Variants in PARD6G observed in about 807,000 individuals in gnomAD.
PARD6G encodes the protein par-6 family cell polarity regulator gamma.
A neutral mutation model predicts 10.7 loss-of-function variants in PARD6G; 7 were observed. The observed-to-expected ratio is 0.66, with a 90% CI of 0.37 to 1.23. PARD6G has a LOEUF of 1.23. PARD6G is among the 50% of genes most tolerant of loss of function. The pLI, the probability that PARD6G is intolerant of heterozygous loss-of-function variation, is 0.02. For synonymous variants in PARD6G, 287 were observed against 269.4 expected (o/e 1.07, Z -0.64); for missense variants, 548 against 571.8 (o/e 0.96, Z 0.42).
Position 80,184,216 on chromosome 18 carries a change from C to T in PARD6G, c.295+18494G>A, listed in dbSNP as rs1234195559. 3.3e-5 allele frequency: 5 copies of T among 152,208 alleles called. No homozygotes were observed. The highest frequency in any genetic ancestry group is 1.2e-4 in the African/African-American group (5 of 41,434). The allele number at this position is 152,208 out of a possible 1,614,324, so 9.4% of individuals were successfully genotyped here. A position where few individuals can be genotyped will look rare whatever the true frequency, so the allele number is the denominator to read the frequency against. ...AGGTCAGGAACAAGACGAGGGTGTC[C>T]GCTCTTATTCCTTTCAGCCTCGGCA... On this transcript the variant is annotated intron_variant, in intron 2 of 2. Transcript: ENST00000353265. The surrounding 1 kb of genome is among the most constrained non-coding windows in gnomAD (Gnocchi z 4.5).
At chr18:80,208,152 G>GTATCAAATCACTGCA (rs1206528442) in intron 1 of PARD6G, among the ~76,000 whole-genome samples, 1 of 151,768 alleles carries the variant, frequency 6.6e-6, no homozygotes, top group African/African-American at 2.4e-5. Flanking sequence ...AGATTTCACT[G>GTATCAAATCACTGCA]GCTGTATTTA....
At chr18:80,177,463 GCACA>G (rs1468658130) in intron 2 of PARD6G, among the ~76,000 whole-genome samples, 1 of 142,800 alleles carries the variant, frequency 7.0e-6, no homozygotes, top group African/African-American at 2.7e-5. Flanking sequence ...CAAATGGGAA[GCACA>G]CACACACATG....
At chr18:80,226,182 T>TAGACGGAG (rs1967287776) in intron 1 of PARD6G, among the ~76,000 whole-genome samples, 1 of 100,730 alleles carries the variant, frequency 9.9e-6, no homozygotes, top group Non-Finnish European at 2.3e-5. Flanking sequence ...TTTTTTTTTT[T>TAGACGGAG]TTTTTAGACG....
intron 1 of PARD6G, among the ~76,000 whole-genome samples, chr18:80,229,304 A>T (rs1254329170): frequency 6.6e-6 from 1 of 152,232 alleles, no homozygotes; most frequent in Non-Finnish European, 1.5e-5. Flanking sequence ...ATTTAAAAAC[A>T]CACACACAAA....
rs1433053731 is a variant in PARD6G, at chr18:80,158,012, TATG to T, written c.*1756_*1758del. 6.6e-6 allele frequency: 1 copy of T among 152,216 alleles called. No individual in the cohort carries two copies. Among genetic ancestry groups the T allele is most frequent in the African/African-American group, 2.4e-5 (1 of 41,434 alleles). 9.4% of individuals were successfully genotyped at this position (152,216 alleles called of 1,614,324 possible). ...AAAAATATTTCTTTACCTGTATCTGTATGAAAGATTTGGTCAGAGTTCTCAAAG... is the reference window on the plus strand; with the variant it reads ...AAAAATATTTCTTTACCTGTATCTGTAAAGATTTGGTCAGAGTTCTCAAAG... On this transcript the variant is annotated 3_prime_UTR_variant, in exon 3 of 3. Coordinates refer to ENST00000353265, the MANE Select transcript of PARD6G (RefSeq NM_032510.4).
chr18:80,179,743 T>G (rs1257302885), intron 2 of PARD6G, among the ~76,000 whole-genome samples: 2 of 152,254 alleles, frequency 1.3e-5, no homozygotes, highest in Admixed American at 6.5e-5. Flanking sequence ...CGGATGCCCA[T>G]GCCATGGGTT....
chr18:80,215,925 G>A (rs911134442), intron 1 of PARD6G, among the ~76,000 whole-genome samples: 3 of 152,044 alleles, frequency 2.0e-5, no homozygotes, highest in African/African-American at 4.8e-5. Flanking sequence ...TGAAAGAAAG[G>A]GGATGGAAAT....
chr18:80,230,709 C>T (rs191928741), intron 1 of PARD6G, among the ~76,000 whole-genome samples: 1 of 152,248 alleles, frequency 6.6e-6, no homozygotes, highest in East Asian at 1.9e-4. Context: ...CCCAGCACTG[C>T]TAAATGTAGG....
At chr18:80,237,822 G>A (rs565451588) in intron 1 of PARD6G, among the ~76,000 whole-genome samples, 1 of 152,236 alleles carries the variant, frequency 6.6e-6, no homozygotes, top group East Asian at 1.9e-4. Flanking sequence ...AGTTAGAATG[G>A]TGATCATTAA....
rs560493190 is a variant in PARD6G, at chr18:80,192,448, C to T, written c.295+10262G>A. On this transcript the variant is annotated intron_variant, in intron 2 of 2. Coordinates refer to ENST00000353265, the MANE Select transcript of PARD6G (RefSeq NM_032510.4). This position sits in a 1 kb window ranked among gnomAD's most constrained non-coding sequence, Gnocchi z 4.9. ...CCCAGGGGACGGGGGAGAGCAGGTG[C>T]CACGGCGGGAGCCCAGGGGACGGGG... is the stretch of plus-strand genomic sequence containing the variant. Among the ~76,000 whole-genome samples, 1 of 151,242 alleles carries T rather than the reference C, an allele frequency of 6.6e-6. No individual in the cohort carries two copies. The highest frequency in any genetic ancestry group is 2.0e-4 in the East Asian group (1 of 5,126).
intron 2 of PARD6G, chr18:80,185,001 T>C (rs573274884): frequency 6.6e-6 from 1 of 152,300 alleles, no homozygotes; most frequent in African/African-American, 2.4e-5. Flanking sequence ...GCTAGTCCCA[T>C]GAACTTACCC....
In PARD6G at chr18:80,203,429, C is replaced by A. The variant is rs531852555; in HGVS notation, c.73-497G>T. ...AGCAGTAGTGACTCAGGCAGCAGCT[C>A]GCTCATCCACAGAGACCCAGGACGG... On this transcript the variant is annotated intron_variant, in intron 1 of 2. Coordinates refer to ENST00000353265, the MANE Select transcript of PARD6G (RefSeq NM_032510.4). Among the ~76,000 whole-genome samples the A allele has an allele frequency of 1.6e-4, 25 of 152,202 alleles. No homozygotes were observed. In the South Asian group the frequency reaches 2.9e-3, roughly 18 times the overall value.
At chr18:80,174,411 T>C (rs1230537905) in intron 2 of PARD6G, among the ~76,000 whole-genome samples, 2 of 152,010 alleles carry the variant, frequency 1.3e-5, no homozygotes, top group Non-Finnish European at 2.9e-5. Flanking sequence ...CAAGCAATCC[T>C]CTCACCTCAG....
chr18:80,242,454 C>G (rs922802798), intron 1 of PARD6G, among the ~76,000 whole-genome samples: 1 of 152,216 alleles, frequency 6.6e-6, no homozygotes, highest in African/African-American at 2.4e-5. Flanking sequence ...CCAACGGCCT[C>G]AGCCAGCAGT....
chr18:80,160,365 G>A lies in PARD6G; in HGVS notation c.537C>T (p.Ser179=), dbSNP rs1284001298. The A allele has an allele frequency of 1.2e-6, 2 of 1,610,730 alleles. No individual in the cohort carries two copies. The highest frequency in any genetic ancestry group is 1.7e-6 in the Non-Finnish European group (2 of 1,179,420). Reference sequence around the variant, plus strand: ...CCAGCCCGTGCGGGGTCACGCGCACGCTGGCGCCATCGCGGATGTAGAAGC... The same window carrying A: ...CCAGCCCGTGCGGGGTCACGCGCACACTGGCGCCATCGCGGATGTAGAAGC... ...PLGFYIRDGA[S]VRVTPHGLEK... is the part of the protein sequence containing the mutation. Residue 179 remains serine (S), a synonymous_variant, in exon 3 of 3, where the codon AGC becomes AGT. Coordinates refer to ENST00000353265, the MANE Select transcript of PARD6G (RefSeq NM_032510.4).
chr18:80,246,258 C>G lies in PARD6G; in HGVS notation c.72+1019G>C, dbSNP rs1967545082. Among the ~76,000 whole-genome samples, 1 of 152,312 alleles carries G rather than the reference C, an allele frequency of 6.6e-6. No individual in the cohort carries two copies. Among genetic ancestry groups the G allele is most frequent in the African/African-American group, 2.4e-5 (1 of 41,566 alleles). On this transcript the variant is annotated intron_variant, in intron 1 of 2. Transcript: ENST00000353265. This position sits in a 1 kb window ranked among gnomAD's most constrained non-coding sequence, Gnocchi z 6.7. The stretch of plus-strand genomic sequence containing the variant: ...CCCAGAGAGTAGCCAGCGAAAGACT[C>G]GAGGGGCCCCCTCCCGCAGGACCCC...
rs2052845133 is a variant in PARD6G, at chr18:80,180,874, G to C, written c.296-20268C>G. 6.6e-6 allele frequency among the ~76,000 whole-genome samples: 1 copy of C among 152,164 alleles called. No homozygotes were observed. Among genetic ancestry groups the C allele is most frequent in the Non-Finnish European group, 1.5e-5 (1 of 68,006 alleles). On this transcript the variant is annotated intron_variant, in intron 2 of 2. Transcript: ENST00000353265. This position sits in a 1 kb window ranked among gnomAD's most constrained non-coding sequence, Gnocchi z 5.6. ...GAGACATTCTAATTGGCACAAGTTG[G>C]GGGGAAGCTCCTGGTATCTAGACAG...
In PARD6G at chr18:80,235,710, G is replaced by C. The variant is rs145999108; in HGVS notation, c.72+11567C>G. On this transcript the variant is annotated intron_variant, in intron 1 of 2. Transcript: ENST00000353265. The stretch of plus-strand genomic sequence containing the variant: ...CCCACAGAAATACAAACTACCATCA[G>C]AGAATACTATAAACACCTCTACACA... Among the ~76,000 whole-genome samples, 803 of 152,292 alleles carry C rather than the reference G, an allele frequency of 5.3e-3. 10 individuals carry two copies. The highest frequency in any genetic ancestry group is 0.019 in the African/African-American group (769 of 41,556).
intron 2 of PARD6G, among the ~76,000 whole-genome samples, chr18:80,191,683 T>C (rs1966899994): frequency 6.6e-6 from 1 of 152,260 alleles, no homozygotes; most frequent in Non-Finnish European, 1.5e-5. Context: ...TGCCACAATT[T>C]AAATATATTT....
Sources: gnomAD v4.1 joint callset for allele counts (sites outside exome capture counted in the v4.1 genomes callset) on GRCh38, gnomAD v4.1.1 for gene constraint, Gnocchi (gnomAD v3.1) non-coding constraint, MANE v1.5 for transcripts, NCBI Gene and HGNC (gene_info 2026-07-23, HGNC 2026-07-21) for gene names.